PRDM1: variants seen among roughly 807,000 people sequenced by gnomAD.
PRDM1 encodes the protein PR/SET domain 1, also known as PR domain zinc finger protein 1.
In PRDM1, 13 loss-of-function variants were observed where a neutral mutation model predicts 62.8. That is an observed-to-expected ratio of 0.21 (90% CI 0.13 to 0.33). The LOEUF is 0.33. Ranked by LOEUF, PRDM1 falls within the 10% of genes least tolerant of loss-of-function variation. The pLI, the probability that PRDM1 is intolerant of heterozygous loss-of-function variation, is 1.00. For missense variants in PRDM1, 895 were observed against 1,058.8 expected, an observed-to-expected ratio of 0.85 and a Z score of 2.15; for synonymous variants, 396 against 417.6, an observed-to-expected ratio of 0.95 and a Z score of 0.63.
upstream of PRDM1, chr6:106,046,344 G>C (rs1477300650): frequency 6.6e-6 from 1 of 152,184 alleles, no homozygotes; most frequent in Non-Finnish European, 1.5e-5. Flanking sequence ...AAAGCAACTT[G>C]TCTTTCATTT....
intron 1 of PRDM1, among the ~76,000 whole-genome samples, chr6:106,062,816 T>C (rs992611860): frequency 6.6e-6 from 1 of 152,122 alleles, no homozygotes; most frequent in Non-Finnish European, 1.5e-5. Flanking sequence ...TGGTTGCTGA[T>C]AGGAGGGTTT....
chr6:106,045,260 G>A (rs931916046), upstream of PRDM1, among the ~76,000 whole-genome samples: 2 of 152,094 alleles, frequency 1.3e-5, no homozygotes, highest in Admixed American at 6.5e-5. Flanking sequence ...TGCACAAGTC[G>A]CAGAGGGCAG....
At chr6:106,049,339 G>A (rs1447116193) in intron 1 of PRDM1, among the ~76,000 whole-genome samples, 1 of 152,210 alleles carries the variant, frequency 6.6e-6, no homozygotes, top group Non-Finnish European at 1.5e-5. Context: ...AGCCTCAGGT[G>A]ACTGACCAAG....
upstream of PRDM1, among the ~76,000 whole-genome samples, chr6:106,084,153 T>G (rs915266238): frequency 6.6e-6 from 1 of 151,710 alleles, no homozygotes; most frequent in African/African-American, 2.4e-5. Context: ...GTTTGGAGGT[T>G]TTTTTTTTCC....
At chr6:106,036,553 T>C (rs1160378367) in intron 1 of PRDM1, among the ~76,000 whole-genome samples, 1 of 152,200 alleles carries the variant, frequency 6.6e-6, no homozygotes, top group Non-Finnish European at 1.5e-5. Flanking sequence ...TCTGTGTTAT[T>C]GATGCCACAA....
At chr6:106,072,675 G>A (rs906950839) in intron 1 of PRDM1, among the ~76,000 whole-genome samples, 7 of 152,300 alleles carry the variant, frequency 4.6e-5, no homozygotes, top group Middle Eastern at 3.4e-3. Context: ...TGCTGTCTGC[G>A]GTGCCCCTTG....
chr6:106,103,540 C>A (rs546783405), intron 4 of PRDM1, among the ~76,000 whole-genome samples: 2 of 152,266 alleles, frequency 1.3e-5, no homozygotes, highest in Admixed American at 1.3e-4. Flanking sequence ...CTCCAATAAT[C>A]AGAGCTCAAA....
intron 1 of PRDM1, among the ~76,000 whole-genome samples, chr6:106,080,546 T>C (rs1773678872): frequency 6.6e-6 from 1 of 152,220 alleles, no homozygotes; most frequent in South Asian, 2.1e-4. Flanking sequence ...TCAGGTACTT[T>C]GGAGATTAGC....
intron 1 of PRDM1, among the ~76,000 whole-genome samples, chr6:106,029,695 T>C (rs1235782420): frequency 2.0e-5 from 3 of 152,062 alleles, no homozygotes; most frequent in South Asian, 4.2e-4. Flanking sequence ...AGCCTCAACC[T>C]CTCCAGGCTC....
upstream of PRDM1, among the ~76,000 whole-genome samples, chr6:106,047,601 T>A (rs1002735404): frequency 5.3e-5 from 8 of 152,224 alleles, no homozygotes; most frequent in African/African-American, 1.7e-4. Flanking sequence ...ACCACTGCAA[T>A]GCCCTCTTCT....
intron 2 of PRDM1, 75 bp from the exon 3 acceptor site, chr6:106,095,540 C>T: frequency 6.5e-7 from 1 of 1,531,802 alleles, no homozygotes; most frequent in Non-Finnish European, 8.9e-7. Context: ...CTTGACAGTC[C>T]AATTTATTTA....
chr6:106,055,813 A>G (rs1418175286), intron 1 of PRDM1, among the ~76,000 whole-genome samples: 1 of 152,206 alleles, frequency 6.6e-6, no homozygotes, highest in South Asian at 2.1e-4. Context: ...CCCCGACTCT[A>G]GATTTTTAGA....
Position 106,106,008 on chromosome 6 carries a change from G to A in PRDM1, c.1773+75G>A. ...TTTGTATTTAGCTTGCTTTCCATGG[G>A]GTATCGATTGCATTTGCAGTAGTAT... On this transcript the variant is annotated intron_variant, in intron 5 of 6. Transcript: ENST00000369096. This position sits in a 1 kb window ranked among gnomAD's most constrained non-coding sequence, Gnocchi z 4.4. 1 of 1,531,216 alleles carries A rather than the reference G, an allele frequency of 6.5e-7. No homozygotes were observed. The allele number at this position is 1,531,216 out of a possible 1,614,324, so 94.9% of individuals were successfully genotyped here.
chr6:106,017,527 G>A (rs567055740), intron 1 of PRDM1, among the ~76,000 whole-genome samples: 12 of 152,328 alleles, frequency 7.9e-5, no homozygotes, highest in East Asian at 1.9e-4. Flanking sequence ...GGAGGGCACC[G>A]TGTTATGAAT....
At chr6:106,095,562 T>C (rs1774090530) in intron 2 of PRDM1, 53 bp from the exon 3 acceptor site, 4 of 1,584,834 alleles carry the variant, frequency 2.5e-6, no homozygotes, top group Non-Finnish European at 3.4e-6. Flanking sequence ...TTGAAAAGAT[T>C]GGTTAACATT....
intron 1 of PRDM1, among the ~76,000 whole-genome samples, chr6:106,030,734 T>G (rs1331981503): frequency 6.6e-6 from 1 of 152,192 alleles, no homozygotes; most frequent in Non-Finnish European, 1.5e-5. Context: ...AATTTTTATT[T>G]TTTTTGCCAT....
rs2114658242 is a variant in PRDM1, at chr6:106,105,830, C to T, written c.1670C>T (p.Thr557Ile). The T allele has an allele frequency of 6.2e-7, 1 of 1,614,204 alleles. No individual in the cohort carries two copies. The change falls in exon 5 of 7, where the codon ACC (threonine) becomes ATC (isoleucine). Residue 557 changes from threonine to isoleucine, a missense_variant. Physicochemically the swap from Thr to Ile is moderately conservative, Grantham distance 89. Coordinates refer to ENST00000369096, the MANE Select transcript of PRDM1 (RefSeq NM_001198.4). ...MNLIKNKRNM[T>I]GYKTLPYPLK... ...CTCATTAAAAACAAAAGAAACATGACCGGCTACAAGACCCTTCCCTACCCG... is the reference window on the plus strand; with the variant it reads ...CTCATTAAAAACAAAAGAAACATGATCGGCTACAAGACCCTTCCCTACCCG...
intron 1 of PRDM1, among the ~76,000 whole-genome samples, chr6:105,999,158 C>T (rs1239432755): frequency 2.0e-5 from 3 of 151,528 alleles, no homozygotes; most frequent in Non-Finnish European, 4.4e-5. Context: ...AGGTTGGTCT[C>T]AAACTCCTGG....
rs1423968439 is a variant in PRDM1, at chr6:106,105,441, T to C, written c.1281T>C (p.Ala427=). Reference sequence around the variant, plus strand: ...GCATGAATTGTAATGGCCTGAGCGCTGTGAGCAGCATGAATGGCATCAACA... The same window carrying C: ...GCATGAATTGTAATGGCCTGAGCGCCGTGAGCAGCATGAATGGCATCAACA... ...PYGMNCNGLS[A]VSSMNGINNF... Residue 427 remains alanine, a synonymous_variant, in exon 5 of 7, where the codon GCT becomes GCC. Coordinates refer to ENST00000369096, the MANE Select transcript of PRDM1 (RefSeq NM_001198.4). 1 of 1,614,162 alleles carries C rather than the reference T, an allele frequency of 6.2e-7. No individual in the cohort carries two copies. The highest frequency in any genetic ancestry group is 8.5e-7 in the Non-Finnish European group (1 of 1,180,026).
Sources: allele counts gnomAD v4.1 joint callset (sites outside exome capture counted in the v4.1 genomes callset), GRCh38; gene constraint gnomAD v4.1.1; non-coding constraint Gnocchi (gnomAD v3.1); transcripts MANE v1.5; gene names NCBI Gene and HGNC (gene_info 2026-07-23, HGNC 2026-07-21).